BANK1: variants seen among roughly 807,000 people sequenced by gnomAD.
The protein encoded by BANK1 is B-cell scaffold protein with ankyrin repeats.
Under a neutral mutation model 94.5 loss-of-function variants are expected in BANK1, and 95 were observed. The ratio of observed to expected loss-of-function variants is 1.00; its 90% CI spans 0.85 to 1.19. The LOEUF is 1.19. Among genes scored for constraint, BANK1 ranks in the 50% most tolerant of loss-of-function variants. BANK1 has a pLI of 0.00. For missense variants in BANK1, 987 were observed against 932.2 expected (o/e 1.06, Z -0.77); for synonymous variants, 334 against 308.4 (o/e 1.08, Z -0.87).
intron 6 of BANK1, among the ~76,000 whole-genome samples, chr4:101,911,099 A>G (rs1244908274): frequency 6.6e-6 from 1 of 152,206 alleles, no homozygotes; most frequent in Non-Finnish European, 1.5e-5. Flanking sequence ...TCCACTTTAC[A>G]GATGAGAAGT....
chr4:101,839,937 A>ATTTATTTATTT (rs1726969190), intron 2 of BANK1, among the ~76,000 whole-genome samples: 1 of 53,036 alleles, frequency 1.9e-5, no homozygotes, highest in African/African-American at 7.5e-5. Context: ...CAAATATTTA[A>ATTTATTTATTT]TTTTTTTTTT....
chr4:101,889,053 GTTAGTAT>G (rs1721741687), intron 5 of BANK1, among the ~76,000 whole-genome samples: 1 of 152,068 alleles, frequency 6.6e-6, no homozygotes, highest in African/African-American at 2.4e-5. Context: ...TGGGGGGATC[GTTAGTAT>G]TTAATTAAAC....
chr4:102,032,053 A>G (rs1727337900), intron 10 of BANK1, among the ~76,000 whole-genome samples: 1 of 152,230 alleles, frequency 6.6e-6, no homozygotes, highest in Admixed American at 6.5e-5. Flanking sequence ...AACTTTTGCT[A>G]GAAATTCTCA....
intron 5 of BANK1, among the ~76,000 whole-genome samples, chr4:101,872,903 G>A (rs1221359163): frequency 1.3e-5 from 2 of 151,572 alleles, no homozygotes; most frequent in South Asian, 2.1e-4. Flanking sequence ...CAAGAGAATC[G>A]CTTGAACCCG....
chr4:101,831,785 G>T (rs1259957150), intron 2 of BANK1, among the ~76,000 whole-genome samples: 1 of 152,134 alleles, frequency 6.6e-6, no homozygotes, highest in Admixed American at 6.6e-5. Flanking sequence ...GTTGTCTATT[G>T]TTGCATAACA....
At chr4:101,895,542 C>T (rs1722042698) in intron 6 of BANK1, 132 bp downstream of exon 6, 1 of 564,560 alleles carries the variant, frequency 1.8e-6, no homozygotes, top group Non-Finnish European at 3.1e-6. Context: ...CTCCTGACTC[C>T]TGGTGAAAGG....
At chr4:101,900,182 C>T (rs193095773) in intron 6 of BANK1, among the ~76,000 whole-genome samples, 198 of 152,302 alleles carry the variant, frequency 1.3e-3, no homozygotes, top group Middle Eastern at 0.01. Context: ...CTAAGAGCCA[C>T]TCTTCTAGGT....
intron 1 of BANK1, among the ~76,000 whole-genome samples, chr4:101,796,377 C>T (rs187754180): frequency 2.6e-5 from 4 of 152,232 alleles, no homozygotes; most frequent in African/African-American, 9.6e-5. Flanking sequence ...TTATCAAAAA[C>T]TGCCAGCTAT....
intron 9 of BANK1, among the ~76,000 whole-genome samples, chr4:102,027,649 T>A (rs948450875): frequency 1.0e-4 from 15 of 146,312 alleles, no homozygotes; most frequent in Non-Finnish European, 2.2e-4. Context: ...GTAGCTTCCA[T>A]CTGCCATCAA....
At chr4:101,916,835 A>T (rs905938707) in intron 6 of BANK1, among the ~76,000 whole-genome samples, 1 of 152,018 alleles carries the variant, frequency 6.6e-6, no homozygotes, top group Non-Finnish European at 1.5e-5. Flanking sequence ...GGTTTGAATT[A>T]TGGCTTCTCT....
At chr4:101,887,087 G>C (rs1728886069) in intron 5 of BANK1, among the ~76,000 whole-genome samples, 1 of 152,192 alleles carries the variant, frequency 6.6e-6, no homozygotes, top group Non-Finnish European at 1.5e-5. Flanking sequence ...AAGATGGGTG[G>C]AGTCATGCTC....
chr4:101,910,707 A>C (rs1167601457), intron 6 of BANK1, among the ~76,000 whole-genome samples: 2 of 151,892 alleles, frequency 1.3e-5, no homozygotes, highest in Non-Finnish European at 2.9e-5. Flanking sequence ...AAAAAAAAAA[A>C]AAAAAAACCA....
At chr4:101,977,947 TTTTG>T (rs147236980) in intron 7 of BANK1, among the ~76,000 whole-genome samples, 137,307 of 150,190 alleles carry the variant, frequency 0.91, 62,958 homozygotes, top group Non-Finnish European at 0.94. Flanking sequence ...AATTTAGGGG[TTTTG>T]TTTGTTTGTT....
At chr4:102,053,967 A>C (rs768260742) in intron 11 of BANK1, among the ~76,000 whole-genome samples, 2 of 151,988 alleles carry the variant, frequency 1.3e-5, no homozygotes, top group Non-Finnish European at 2.9e-5. Flanking sequence ...TGTATATACA[A>C]ATACATATAT....
intron 7 of BANK1, among the ~76,000 whole-genome samples, chr4:101,946,357 T>C (rs562676715): frequency 7.2e-5 from 11 of 152,130 alleles, no homozygotes; most frequent in African/African-American, 2.4e-4. Flanking sequence ...ACGTAATAGA[T>C]ACTTTGAAAG....
At chr4:101,973,004 G>C (rs991912911) in intron 7 of BANK1, among the ~76,000 whole-genome samples, 2 of 152,044 alleles carry the variant, frequency 1.3e-5, no homozygotes, top group African/African-American at 2.4e-5. Context: ...GCAGCTGATG[G>C]TCACATGATG....
At chr4:102,035,413 C>A (rs1437622512) in intron 10 of BANK1, among the ~76,000 whole-genome samples, 1 of 151,962 alleles carries the variant, frequency 6.6e-6, no homozygotes, top group Non-Finnish European at 1.5e-5. Flanking sequence ...CTTTGGGAGG[C>A]CGAGGCGGGC....
chr4:101,857,734 A>AGTGTGGG (rs1192084207), intron 3 of BANK1, among the ~76,000 whole-genome samples: 1 of 152,232 alleles, frequency 6.6e-6, no homozygotes, highest in East Asian at 1.9e-4. Context: ...GCACTAGTGA[A>AGTGTGGG]GATATCCCTC....
chr4:101,804,380 TTGTC>T (rs1269508799), intron 1 of BANK1, among the ~76,000 whole-genome samples: 2 of 152,180 alleles, frequency 1.3e-5, no homozygotes, highest in Admixed American at 6.5e-5. Flanking sequence ...AGTGAGTAGT[TTGTC>T]TGTCTAGGAA....
Sources: allele counts gnomAD v4.1 joint callset (sites outside exome capture counted in the v4.1 genomes callset), GRCh38; gene constraint gnomAD v4.1.1; transcripts MANE v1.5; gene names NCBI Gene and HGNC (gene_info 2026-07-23, HGNC 2026-07-21).